Variants in ETV1 observed in about 807,000 individuals in gnomAD.
ETV1 encodes ETS translocation variant 1.
Under a neutral mutation model 62.3 loss-of-function variants are expected in ETV1, and 27 were observed. That is an observed-to-expected ratio of 0.43 (90% CI 0.32 to 0.60). The LOEUF is 0.60. Among genes scored for constraint, ETV1 ranks in the 20% least tolerant of loss-of-function variants. The pLI is 0.06. For missense variants in ETV1, 605 were observed against 605.8 expected, an observed-to-expected ratio of 1.00 and a Z score of 0.01; for synonymous variants, 222 against 199.6, an observed-to-expected ratio of 1.11 and a Z score of -0.94.
chr7:13,932,501 A>T (rs565848318), intron 8 of ETV1, among the ~76,000 whole-genome samples: 1 of 152,330 alleles, frequency 6.6e-6, no homozygotes, highest in South Asian at 2.1e-4. Flanking sequence ...TGAAAATAAC[A>T]TATAGTGTTG....
chr7:13,931,404 A>G (rs1786134642), intron 9 of ETV1, 98 bp downstream of exon 9: 9 of 1,299,948 alleles, frequency 6.9e-6, no homozygotes, highest in Non-Finnish European at 9.7e-6. Flanking sequence ...TTATTAAAAA[A>G]TGGTCAGGAG....
At chr7:13,933,019 G>A (rs980609223) in intron 8 of ETV1, among the ~76,000 whole-genome samples, 2 of 152,156 alleles carry the variant, frequency 1.3e-5, no homozygotes, top group Non-Finnish European at 2.9e-5. Flanking sequence ...ATATTGCAGA[G>A]CAGTTAGGCT....
chr7:13,909,438 C>T (rs1427348271), intron 11 of ETV1, among the ~76,000 whole-genome samples, 194 bp downstream of exon 11: 2 of 152,120 alleles, frequency 1.3e-5, no homozygotes, highest in Admixed American at 1.3e-4. Flanking sequence ...TCCCTCCTAA[C>T]ACAAAAGAAA....
chr7:13,929,312 A>G (rs1441042711), intron 9 of ETV1, among the ~76,000 whole-genome samples: 2 of 152,230 alleles, frequency 1.3e-5, no homozygotes, highest in African/African-American at 4.8e-5. Context: ...AAAAATTCAA[A>G]TAAAGACTCT....
At chr7:13,910,067 A>G (rs879207955) in intron 10 of ETV1, among the ~76,000 whole-genome samples, 1 of 152,088 alleles carries the variant, frequency 6.6e-6, no homozygotes, top group Admixed American at 6.6e-5. Context: ...TGTTCAATGA[A>G]AAAGTGAGAA....
intron 8 of ETV1, among the ~76,000 whole-genome samples, chr7:13,934,204 A>T (rs1401570819): frequency 6.6e-6 from 1 of 152,220 alleles, no homozygotes; most frequent in East Asian, 1.9e-4. Context: ...GCACTCTGAC[A>T]AAGTCTCAAG....
chr7:13,962,919 C>T (rs1790356322), intron 6 of ETV1, among the ~76,000 whole-genome samples: 1 of 152,108 alleles, frequency 6.6e-6, no homozygotes, highest in Non-Finnish European at 1.5e-5. Flanking sequence ...GGCAAAAACA[C>T]TTATTTTACG....
intron 9 of ETV1, among the ~76,000 whole-genome samples, chr7:13,913,930 G>A (rs1583605613): frequency 7.9e-6 from 1 of 127,080 alleles, no homozygotes; most frequent in East Asian, 2.5e-4. Context: ...TGTCGCCCAG[G>A]CTGGAGTGCA....
At chr7:13,951,240 ATAT>A (rs886933951) in intron 6 of ETV1, among the ~76,000 whole-genome samples, 2 of 152,196 alleles carry the variant, frequency 1.3e-5, no homozygotes, top group East Asian at 3.9e-4. Flanking sequence ...GCAAAAATAA[ATAT>A]TATAAAACTT....
intron 5 of ETV1, among the ~76,000 whole-genome samples, chr7:13,983,075 T>C (rs1782161675): frequency 6.6e-6 from 1 of 151,746 alleles, no homozygotes; most frequent in Admixed American, 6.6e-5. Context: ...AGCTTTGCTG[T>C]AGAAAGGTTG....
At chr7:13,936,404 A>G (rs1786809184) in intron 7 of ETV1, among the ~76,000 whole-genome samples, 2 of 152,176 alleles carry the variant, frequency 1.3e-5, no homozygotes, top group African/African-American at 4.8e-5. Flanking sequence ...CTTTATTTTC[A>G]TTTTATTATA....
chr7:13,929,564 G>C (rs116805108), intron 9 of ETV1, among the ~76,000 whole-genome samples: 3,814 of 151,574 alleles, frequency 0.025, 175 homozygotes, highest in African/African-American at 0.088. Context: ...CTCAATATTG[G>C]GCCACACTGT....
chr7:13,944,420 C>T (rs148757722), intron 6 of ETV1, among the ~76,000 whole-genome samples: 4 of 152,246 alleles, frequency 2.6e-5, no homozygotes, highest in African/African-American at 7.2e-5. Context: ...GAGCTCCCTG[C>T]GATCTCTTTA....
intron 9 of ETV1, among the ~76,000 whole-genome samples, chr7:13,915,586 A>C (rs1784063997): frequency 6.6e-6 from 1 of 152,200 alleles, no homozygotes; most frequent in Admixed American, 6.5e-5. Context: ...CCAAAGGTTT[A>C]CAAGGATGCA....
At chr7:13,952,601 T>C (rs1369673875) in intron 6 of ETV1, among the ~76,000 whole-genome samples, 1 of 152,122 alleles carries the variant, frequency 6.6e-6, no homozygotes, top group Non-Finnish European at 1.5e-5. Context: ...TGTAATACGG[T>C]TAACATTTTA....
At chr7:13,909,536 A>G (rs1330313536) in intron 11 of ETV1, 96 bp downstream of exon 11, 4 of 872,972 alleles carry the variant, frequency 4.6e-6, no homozygotes, top group Non-Finnish European at 7.6e-6. Flanking sequence ...GTGCATAGGA[A>G]TCTTTAAGTA....
chr7:13,969,516 A>G (rs927476382), intron 6 of ETV1, among the ~76,000 whole-genome samples: 2 of 152,204 alleles, frequency 1.3e-5, no homozygotes, highest in Non-Finnish European at 2.9e-5. Flanking sequence ...TTTACAATTA[A>G]GTATATGAGA....
chr7:13,982,350 T>C (rs959042176), intron 5 of ETV1, among the ~76,000 whole-genome samples: 8 of 152,028 alleles, frequency 5.3e-5, no homozygotes, highest in Non-Finnish European at 1.0e-4. Context: ...TTCCTATAAC[T>C]GAAATAGAAA....
At chr7:13,977,076 A>G (rs1407957055) in intron 6 of ETV1, among the ~76,000 whole-genome samples, 2 of 152,226 alleles carry the variant, frequency 1.3e-5, no homozygotes, top group African/African-American at 4.8e-5. Flanking sequence ...TTTCTCTGTA[A>G]GCATATTGGC....
Sources: allele counts gnomAD v4.1 joint callset (sites outside exome capture counted in the v4.1 genomes callset), GRCh38; gene constraint gnomAD v4.1.1; transcripts MANE v1.5; gene names NCBI Gene and HGNC (gene_info 2026-07-23, HGNC 2026-07-21).